The following NLRP12 variants were observed in gnomAD, a reference collection of about 807,000 sequenced individuals.
NLRP12 encodes the protein NACHT, LRR and PYD domains-containing protein 12.
NLRP12 carries 108 observed loss-of-function variants against 91.2 expected under a neutral mutation model. The ratio of observed to expected loss-of-function variants is 1.18; its 90% CI spans 1.01 to 1.39. NLRP12 has a LOEUF of 1.39. NLRP12 is among the 40% of genes most tolerant of loss of function. NLRP12 has a pLI of 0.00. For missense variants in NLRP12, 1,530 were observed against 1,352.7 expected (o/e 1.13, Z -2.06); for synonymous variants, 613 against 566.7 (o/e 1.08, Z -1.16).
chr19:53,810,053 C>T lies in NLRP12; in HGVS notation c.1606G>A (p.Gly536Ser), dbSNP rs1165977770. 2.5e-6 allele frequency: 4 copies of T among 1,614,156 alleles called. No homozygotes were observed. Among genetic ancestry groups the T allele is most frequent in the Admixed American group, 3.3e-5 (2 of 60,006 alleles). ...AGCCTGGTCACGTCCTGGTCTGGGC[C>T]TGCCCCGCCCTCCCCCTCGTCCAGG... ...YILDEGEGGA[G>S]PDQDVTRLLT... The change falls in exon 3 of 10, where the codon GGC becomes AGC. Residue 536 changes from glycine to serine, a missense_variant. By Grantham distance (56) the Gly-to-Ser change is moderately conservative (BLOSUM62 0). Coordinates refer to ENST00000324134, the MANE Select transcript of NLRP12 (RefSeq NM_144687.4).
chr19:53,806,675 G>A lies in NLRP12; in HGVS notation c.2243+820C>T, dbSNP rs751235743. On this transcript the variant is annotated intron_variant, in intron 4 of 9. Transcript: ENST00000324134. ...CAGCCTGGTGACAAAGCAAGACTCC[G>A]TCTCAAAAAAAAAAAAAAAAAAAAA... Among the ~76,000 whole-genome samples the A allele has an allele frequency of 9.6e-3, 532 of 55,316 alleles. 1 individual carries two copies. The highest frequency in any genetic ancestry group is 0.012 in the Admixed American group (37 of 2,972). The allele number at this position is 55,316 out of a possible 152,430, so 36.3% of individuals were successfully genotyped here. A position where few individuals can be genotyped will look rare whatever the true frequency, so the allele number is the denominator to read the frequency against.
At chr19:53,805,643 G>T (rs1382062540) in intron 4 of NLRP12, 193 bp from the exon 5 acceptor site, 1 of 637,742 alleles carries the variant, frequency 1.6e-6, no homozygotes, top group East Asian at 3.1e-5. Flanking sequence ...TTGGCCTCCT[G>T]AGTAGCTGGG....
chr19:53,820,495 A>C (rs1037951353), intron 1 of NLRP12, among the ~76,000 whole-genome samples: 5 of 150,374 alleles, frequency 3.3e-5, no homozygotes, highest in African/African-American at 1.2e-4. Context: ...GTGCCACTGC[A>C]CTCCAGCCTG....
At chr19:53,806,042 T>C (rs1435099840) in intron 4 of NLRP12, among the ~76,000 whole-genome samples, 2 of 148,314 alleles carry the variant, frequency 1.3e-5, no homozygotes, top group East Asian at 4.4e-4. Flanking sequence ...ATGACCAGCC[T>C]GGCCAACACA....
intron 6 of NLRP12, 191 bp downstream of exon 6, chr19:53,803,761 A>AG (rs1280612765): frequency 1.3e-5 from 8 of 605,706 alleles, no homozygotes; most frequent in African/African-American, 5.5e-5. Flanking sequence ...TTTAGTAGAG[A>AG]GGGGGTTTCA....
chr19:53,817,010 G>A (rs1026517146), intron 1 of NLRP12, among the ~76,000 whole-genome samples: 2 of 1,164 alleles, frequency 1.7e-3, no homozygotes, highest in Non-Finnish European at 3.8e-3. Context: ...GGTTAAGAGG[G>A]CCAGGGCGCG....
rs764721693 is a variant in NLRP12, at chr19:53,804,081, A to G, written c.2456T>C (p.Met819Thr). ...TGGGTTGGTGCCGAGCACAGAAGCCATCTCCTGACAAGCCCCGGACTCCAG... is the reference window on the plus strand; with the variant it reads ...TGGGTTGGTGCCGAGCACAGAAGCCGTCTCCTGACAAGCCCCGGACTCCAG... Reference protein sequence around the residue: ...CQLESGACQEMASVLGTNPHL... With the variant: ...CQLESGACQETASVLGTNPHL... Residue 819 changes from methionine to threonine, a missense_variant, in exon 6 of 10, where the codon ATG becomes ACG. Transcript: ENST00000324134. The G allele has an allele frequency of 1.2e-6, 2 of 1,614,048 alleles. No homozygotes were observed. The highest frequency in any genetic ancestry group is 3.3e-5 in the Admixed American group (2 of 59,980).
At chr19:53,822,928 T>C (rs2092280529) in intron 1 of NLRP12, among the ~76,000 whole-genome samples, 1 of 151,608 alleles carries the variant, frequency 6.6e-6, no homozygotes, top group Admixed American at 6.6e-5. Context: ...CCACCACGCC[T>C]GGCTAATTTT....
chr19:53,820,595 G>T (rs1396360965), intron 1 of NLRP12, among the ~76,000 whole-genome samples: 1 of 152,120 alleles, frequency 6.6e-6, no homozygotes, highest in Non-Finnish European at 1.5e-5. Flanking sequence ...TGTAGTTCCA[G>T]CTGTTCAAGA....
intron 7 of NLRP12, 141 bp downstream of exon 7, chr19:53,801,086 G>C: frequency 1.3e-6 from 1 of 751,464 alleles, no homozygotes; most frequent in Non-Finnish European, 2.2e-6. Flanking sequence ...TCAGCTACTT[G>C]GGAGTCTCAA....
intron 6 of NLRP12, among the ~76,000 whole-genome samples, chr19:53,802,278 A>G (rs1478181804): frequency 6.6e-6 from 1 of 152,098 alleles, no homozygotes; most frequent in Non-Finnish European, 1.5e-5. Flanking sequence ...TTGAATACAC[A>G]TTTCTTCAAG....
At chr19:53,822,600 T>A (rs2092276438) in intron 1 of NLRP12, among the ~76,000 whole-genome samples, 1 of 151,824 alleles carries the variant, frequency 6.6e-6, no homozygotes, top group Admixed American at 6.6e-5. Context: ...TAGCCAGGCA[T>A]GGTGGCAGGT....
chr19:53,820,967 TTG>T (rs1394499971), intron 1 of NLRP12, among the ~76,000 whole-genome samples: 1 of 151,884 alleles, frequency 6.6e-6, no homozygotes, highest in African/African-American at 2.4e-5. Flanking sequence ...CTGCTCTGAA[TTG>T]TGTTAAGCAC....
chr19:53,799,927 G>GC (rs1231304307), intron 7 of NLRP12, among the ~76,000 whole-genome samples: 2 of 152,026 alleles, frequency 1.3e-5, no homozygotes, highest in Non-Finnish European at 2.9e-5. Flanking sequence ...ACTTTGGAAG[G>GC]CCAAGGCCAG....
At chr19:53,795,691 C>T (rs1361437608) in intron 9 of NLRP12, among the ~76,000 whole-genome samples, 168 bp downstream of exon 9, 2 of 152,128 alleles carry the variant, frequency 1.3e-5, no homozygotes, top group Admixed American at 6.6e-5. Flanking sequence ...AGGAAATTAT[C>T]CAAGGTCACA....
rs745918068 is a variant in NLRP12, at chr19:53,810,700, G to GAATTAAGC, written c.958_959insGCTTAATT (p.Thr320SerfsTer11). On this transcript the variant is annotated frameshift_variant, in exon 3 of 10. Coordinates refer to ENST00000324134, the MANE Select transcript of NLRP12 (RefSeq NM_144687.4). LOFTEE classifies it high-confidence loss of function. The stretch of plus-strand genomic sequence containing the variant: ...AATTAAGCTGTTAAGAAGCAGCTCC[G>GAATTAAGC]TGGGCCGTTTCTCCTCCCAGCAGAG... 4 of 1,614,030 alleles carry GAATTAAGC rather than the reference G, an allele frequency of 2.5e-6. No homozygotes were observed. The South Asian group carries it at 4.4e-5, about 18-fold the overall frequency.
At chr19:53,801,139 C>T in intron 7 of NLRP12, 88 bp downstream of exon 7, 4 of 1,231,438 alleles carry the variant, frequency 3.2e-6, no homozygotes, top group South Asian at 2.4e-5. Flanking sequence ...AGTTTAGGAG[C>T]AGAGACAACC....
At chr19:53,821,923 T>TA (rs1568700209) in intron 1 of NLRP12, among the ~76,000 whole-genome samples, 1 of 152,084 alleles carries the variant, frequency 6.6e-6, no homozygotes, top group Non-Finnish European at 1.5e-5. Flanking sequence ...TACACAGTCA[T>TA]AAAAAAGAAC....
intron 1 of NLRP12, among the ~76,000 whole-genome samples, chr19:53,823,511 A>ATTT (rs1555800083): frequency 3.8e-5 from 2 of 52,850 alleles, no homozygotes; most frequent in African/African-American, 7.5e-5. Context: ...TAAAATATAT[A>ATTT]TTTAAAACAT....
Sources: gnomAD v4.1 joint callset for allele counts (sites outside exome capture counted in the v4.1 genomes callset) on GRCh38, gnomAD v4.1.1 for gene constraint, MANE v1.5 for transcripts, NCBI Gene and HGNC (gene_info 2026-07-23, HGNC 2026-07-21) for gene names.